The following GAS6 variants were observed in gnomAD, a reference collection of about 807,000 sequenced individuals.
GAS6 encodes growth arrest-specific protein 6.
A neutral mutation model predicts 75.8 loss-of-function variants in GAS6; 41 were observed. That is an observed-to-expected ratio of 0.54 (90% CI 0.42 to 0.70). GAS6 has a LOEUF of 0.70. Among genes scored for constraint, GAS6 ranks in the 30% least tolerant of loss-of-function variants. GAS6 has a pLI of 0.00. For synonymous variants in GAS6, 432 were observed against 412.6 expected (o/e 1.05, Z -0.57); for missense variants, 854 against 940.2 (o/e 0.91, Z 1.20).
At chr13:113,823,182 G>C (rs768630363) in intron 13 of GAS6, 193 bp downstream of exon 13, 78 of 574,454 alleles carry the variant, frequency 1.4e-4, no homozygotes, top group Non-Finnish European at 1.1e-4. Flanking sequence ...GTGTGGCGGT[G>C]ACCTGGTGTC....
rs146944997 is a variant in GAS6 at position 113,830,002 on chromosome 13, G to C, written c.1144-1291C>G. Among the ~76,000 whole-genome samples, 835 of 152,262 alleles carry C rather than the reference G, an allele frequency of 5.5e-3. 11 individuals carry two copies. Among genetic ancestry groups the C allele is most frequent in the African/African-American group, 0.019 (801 of 41,532 alleles). On this transcript the variant is annotated intron_variant, in intron 10 of 14. Coordinates refer to ENST00000327773, the MANE Select transcript of GAS6 (RefSeq NM_000820.4). ...CACCTGATCCACACCTGAGCCAAGA[G>C]GGTCCCAACCTCAGAGAGTCCCTGC...
At chr13:113,858,726 T>C (rs530145192) in intron 2 of GAS6, among the ~76,000 whole-genome samples, 1 of 152,318 alleles carries the variant, frequency 6.6e-6, no homozygotes, top group Non-Finnish European at 1.5e-5. Flanking sequence ...TGTGAATGTG[T>C]GCATGTATGT....
chr13:113,843,535 G>A (rs1468477335), intron 4 of GAS6: 1 of 151,256 alleles, frequency 6.6e-6, no homozygotes, highest in Non-Finnish European at 1.5e-5. Context: ...GAAACCCATG[G>A]GTCAAAGGAG....
At chr13:113,846,981 C>G in intron 3 of GAS6, 1 of 502,126 alleles carries the variant, frequency 2.0e-6, no homozygotes, top group Non-Finnish European at 3.9e-6. Flanking sequence ...AGCCACTCTG[C>G]TTTGGAGAAA....
chr13:113,858,595 G>A (rs111164474), intron 2 of GAS6, among the ~76,000 whole-genome samples: 7,824 of 145,270 alleles, frequency 0.054, 403 homozygotes, highest in East Asian at 0.12. Flanking sequence ...GACTGTGTAC[G>A]TATGTGTACA....
Position 113,848,146 on chromosome 13 carries a change from T to C in GAS6, c.256-96A>G. 2 of 1,381,848 alleles carry C rather than the reference T, an allele frequency of 1.4e-6. No individual in the cohort carries two copies. The highest frequency in any genetic ancestry group is 2.0e-6 in the Non-Finnish European group (2 of 993,310). 85.6% of individuals were successfully genotyped at this position (1,381,848 alleles called of 1,614,324 possible). ...TCAGCTGGTTAATCAGAGGCTGCTCTCGGGGCAGCCAGAGGGCCGCCCCAC... is the reference window on the plus strand; with the variant it reads ...TCAGCTGGTTAATCAGAGGCTGCTCCCGGGGCAGCCAGAGGGCCGCCCCAC... On this transcript the variant is annotated intron_variant, in intron 2 of 14. Transcript: ENST00000327773. The surrounding 1 kb of genome is among the most constrained non-coding windows in gnomAD (Gnocchi z 4.8).
chr13:113,826,063 C>T (rs2051533689), intron 12 of GAS6, among the ~76,000 whole-genome samples: 2 of 152,156 alleles, frequency 1.3e-5, no homozygotes, highest in Admixed American at 1.3e-4. Context: ...GAATGTGAGG[C>T]AGGGTGGGGC....
At position 113,848,123 on chromosome 13, in the gene GAS6, A is replaced by G; in HGVS notation, c.256-73T>C. The G allele has an allele frequency of 6.6e-7, 1 of 1,520,896 alleles. No individual in the cohort carries two copies. Among genetic ancestry groups the G allele is most frequent in the South Asian group, 1.2e-5 (1 of 85,314 alleles). The allele number at this position is 1,520,896 out of a possible 1,614,324, so 94.2% of individuals were successfully genotyped here. Reference sequence around the variant, plus strand: ...AGGGTCTCTGAACAACATAAGCATCAGCTGGTTAATCAGAGGCTGCTCTCG... The same window carrying G: ...AGGGTCTCTGAACAACATAAGCATCGGCTGGTTAATCAGAGGCTGCTCTCG... On this transcript the variant is annotated intron_variant, in intron 2 of 14. Transcript: ENST00000327773. This position sits in a 1 kb window ranked among gnomAD's most constrained non-coding sequence, Gnocchi z 4.8.
At position 113,835,542 on chromosome 13, in the gene GAS6, G is replaced by C. The variant is rs145586332; in HGVS notation, c.683C>G (p.Ala228Gly). Residue 228 changes from alanine to glycine, a missense_variant, in exon 7 of 15, where the codon GCG becomes GGG. By Grantham distance (60) the Ala-to-Gly change is moderately conservative. Transcript: ENST00000327773. The part of the protein sequence containing the change: ...SYSCLCDEGF[A>G]YSSQEKACRD... ...GCAAGCCTTCTCCTGGGAGCTGTAC[G>C]CAAAGCCCTCGTCACAGAGGCAGGA... 3 of 1,612,454 alleles carry C rather than the reference G, an allele frequency of 1.9e-6. No homozygotes were observed. Among genetic ancestry groups the C allele is most frequent in the African/African-American group, 2.7e-5 (2 of 74,930 alleles).
intron 3 of GAS6, among the ~76,000 whole-genome samples, chr13:113,847,419 T>G (rs755981465): frequency 1.5e-4 from 23 of 152,212 alleles, no homozygotes; most frequent in Admixed American, 6.5e-5. Context: ...TGAAATGCTC[T>G]CAAAGAGCTC....
chr13:113,832,903 T>C (rs1594195565), intron 8 of GAS6, 151 bp from the exon 9 acceptor site: 3 of 1,524,520 alleles, frequency 2.0e-6, no homozygotes, highest in African/African-American at 2.7e-5. Flanking sequence ...CCAGAGGCTG[T>C]CACACCTGCC....
chr13:113,828,132 C>CA (rs2051576596), intron 11 of GAS6, among the ~76,000 whole-genome samples: 1 of 151,806 alleles, frequency 6.6e-6, no homozygotes, highest in South Asian at 2.1e-4. Flanking sequence ...GACGTGGTGG[C>CA]GGGCGCCTGT....
At chr13:113,847,056 G>C (rs775687238) in intron 3 of GAS6, 16 of 500,456 alleles carry the variant, frequency 3.2e-5, no homozygotes, top group Admixed American at 2.0e-4. Context: ...AGGGCGGCGG[G>C]GGGAGGCGAG....
At chr13:113,828,407 A>T (rs1180963781) in intron 11 of GAS6, 140 bp downstream of exon 11, 1 of 760,272 alleles carries the variant, frequency 1.3e-6, no homozygotes, top group Admixed American at 3.6e-5. Flanking sequence ...GTCAAACTCT[A>T]GGAAACCTTT....
chr13:113,835,267 A>G (rs1467374358), intron 7 of GAS6, among the ~76,000 whole-genome samples: 3 of 152,242 alleles, frequency 2.0e-5, no homozygotes, highest in Non-Finnish European at 2.9e-5. Flanking sequence ...ACACGTGTGT[A>G]CATGCGGTGT....
At position 113,839,727 on chromosome 13, in the gene GAS6, C is replaced by A; in HGVS notation, c.466+1G>T. 1 of 1,613,744 alleles carries A rather than the reference C, an allele frequency of 6.2e-7. No individual in the cohort carries two copies. Among genetic ancestry groups the A allele is most frequent in the Non-Finnish European group, 8.5e-7 (1 of 1,179,836 alleles). On this transcript the variant is annotated splice_donor_variant, in intron 5 of 14. Transcript: ENST00000327773. LOFTEE classifies it high-confidence loss of function. The stretch of plus-strand genomic sequence containing the variant: ...CCGCCTTTGTCTTCAGCCTCACGTA[C>A]CTTTGTCGCAGAGCCGGCCCCCCCA...
intron 13 of GAS6, chr13:113,822,566 G>A (rs1016119658): frequency 1.0e-5 from 2 of 192,686 alleles, no homozygotes; most frequent in Middle Eastern, 2.0e-3. Flanking sequence ...CGGCCTCCCA[G>A]CCCGGTGGGC....
intron 4 of GAS6, chr13:113,843,858 C>G (rs2051811803): frequency 1.3e-5 from 2 of 151,028 alleles, no homozygotes; most frequent in Non-Finnish European, 2.9e-5. Context: ...GAAGCCAGGA[C>G]AGCACCGTGA....
intron 6 of GAS6, chr13:113,835,867 C>G: frequency 7.5e-7 from 1 of 1,331,204 alleles, no homozygotes; most frequent in East Asian, 2.9e-5. Context: ...TTCAGCCCAG[C>G]AGGTGGAGAG....
Sources: allele counts gnomAD v4.1 joint callset (sites outside exome capture counted in the v4.1 genomes callset), GRCh38; gene constraint gnomAD v4.1.1; non-coding constraint Gnocchi (gnomAD v3.1); transcripts MANE v1.5; gene names NCBI Gene and HGNC (gene_info 2026-07-23, HGNC 2026-07-21).